PLSCR1: variants seen among roughly 807,000 people sequenced by gnomAD.
PLSCR1 encodes phospholipid scramblase 1.
Under a neutral mutation model 37.8 loss-of-function variants are expected in PLSCR1, and 17 were observed. That is an observed-to-expected ratio of 0.45 (90% CI 0.31 to 0.68). The LOEUF is 0.68. Ranked by LOEUF, PLSCR1 falls within the 30% of genes least tolerant of loss-of-function variation. The pLI, the probability that PLSCR1 is intolerant of heterozygous loss-of-function variation, is 0.06. For missense variants in PLSCR1, 347 were observed against 380.9 expected, an observed-to-expected ratio of 0.91 and a Z score of 0.74; for synonymous variants, 116 against 125.9, an observed-to-expected ratio of 0.92 and a Z score of 0.53.
intron 5 of PLSCR1, among the ~76,000 whole-genome samples, 200 bp from the exon 6 acceptor site, chr3:146,522,253 A>G (rs181823274): frequency 9.1e-4 from 139 of 152,304 alleles, no homozygotes; most frequent in Non-Finnish European, 1.6e-3. Flanking sequence ...AGAGAAATTA[A>G]GTCCTTATGC....
intron 5 of PLSCR1, among the ~76,000 whole-genome samples, chr3:146,522,544 C>T (rs1428417986): frequency 6.6e-6 from 1 of 152,120 alleles, no homozygotes; most frequent in African/African-American, 2.4e-5. Flanking sequence ...CCCAGGGACA[C>T]AAAACACTGT....
intron 3 of PLSCR1, among the ~76,000 whole-genome samples, chr3:146,529,516 A>ATT (rs111660673): frequency 0.096 from 13,580 of 141,972 alleles, 806 homozygotes; most frequent in Middle Eastern, 0.19. Flanking sequence ...CTTTCTTTCC[A>ATT]TTTTTTTTTT....
chr3:146,536,785 G>T (rs934428087), intron 1 of PLSCR1: 1 of 460,042 alleles, frequency 2.2e-6, no homozygotes, highest in African/African-American at 1.9e-5. Flanking sequence ...GTCAGCTCAT[G>T]ATGGTGAACA....
chr3:146,535,248 AAC>A (rs140749399), intron 2 of PLSCR1, among the ~76,000 whole-genome samples: 8 of 151,374 alleles, frequency 5.3e-5, no homozygotes, highest in South Asian at 2.1e-4. Context: ...TATAACATAG[AAC>A]ACACACACAC....
At position 146,516,072 on chromosome 3, in the gene PLSCR1, G is replaced by A; in HGVS notation, c.930C>T (p.Ser310=). 2 of 1,607,608 alleles carry A rather than the reference G, an allele frequency of 1.2e-6. No homozygotes were observed. Among genetic ancestry groups the A allele is most frequent in the Non-Finnish European group, 1.7e-6 (2 of 1,175,958 alleles). The change falls in exon 9 of 9, where the codon AGC becomes AGT. Residue 310 remains serine (S), a synonymous_variant. Transcript: ENST00000342435. ...IDFMFFESTG[S]QEQKSGVW ...ACCACACTCCTGATTTTTGTTCCTGGCTGCCAGTGCTTTCAAAAAACATGA... is the reference window on the plus strand; with the variant it reads ...ACCACACTCCTGATTTTTGTTCCTGACTGCCAGTGCTTTCAAAAAACATGA...
chr3:146,515,504 T>TTAGCTTCTAGGAGAAGTTAAGTG lies in PLSCR1; in HGVS notation c.*518_*540dup, dbSNP rs2043934520. 6.6e-6 allele frequency: 1 copy of TTAGCTTCTAGGAGAAGTTAAGTG among 151,906 alleles called. No homozygotes were observed. The allele number at this position is 151,906 out of a possible 1,614,324, so 9.4% of individuals were successfully genotyped here. A position where few individuals can be genotyped will look rare whatever the true frequency, so the allele number is the denominator to read the frequency against. On this transcript the variant is annotated 3_prime_UTR_variant, in exon 9 of 9. Transcript: ENST00000342435. ...GAATATGAAAATATTATGGTATAGA[T>TTAGCTTCTAGGAGAAGTTAAGTG]TAGCTTCTAGGAGAAGTTAAGTGTA...
intron 2 of PLSCR1, among the ~76,000 whole-genome samples, chr3:146,535,522 A>G (rs1190172078): frequency 6.6e-6 from 1 of 152,210 alleles, no homozygotes; most frequent in Non-Finnish European, 1.5e-5. Flanking sequence ...TTATGTCTAC[A>G]TGTATGTATA....
At chr3:146,520,000 C>A (rs1452470061) in intron 7 of PLSCR1, among the ~76,000 whole-genome samples, 1 of 152,022 alleles carries the variant, frequency 6.6e-6, no homozygotes, top group African/African-American at 2.4e-5. Context: ...GCTTTTATCT[C>A]TTTTATTACT....
At chr3:146,542,432 T>C (rs908812877) in intron 1 of PLSCR1, among the ~76,000 whole-genome samples, 4 of 152,240 alleles carry the variant, frequency 2.6e-5, no homozygotes, top group African/African-American at 7.2e-5. Context: ...GTAAATTCTA[T>C]GACGTTCTCA....
At chr3:146,539,222 C>T (rs1391226658) in intron 1 of PLSCR1, among the ~76,000 whole-genome samples, 2 of 152,156 alleles carry the variant, frequency 1.3e-5, no homozygotes, top group Admixed American at 1.3e-4. Flanking sequence ...ATAAGGAGTG[C>T]GCAACCTAGA....
chr3:146,543,284 T>C (rs1246321120), intron 1 of PLSCR1, among the ~76,000 whole-genome samples: 1 of 152,218 alleles, frequency 6.6e-6, no homozygotes, highest in Non-Finnish European at 1.5e-5. Flanking sequence ...CTAAGCTCCT[T>C]TACAGATCTA....
chr3:146,520,926 G>A (rs947364328), intron 7 of PLSCR1, among the ~76,000 whole-genome samples: 1 of 152,026 alleles, frequency 6.6e-6, no homozygotes, highest in Non-Finnish European at 1.5e-5. Flanking sequence ...TGTAAAAGTA[G>A]ACCATCTGTT....
At chr3:146,537,592 G>C (rs754623743) in intron 1 of PLSCR1, among the ~76,000 whole-genome samples, 32 of 152,224 alleles carry the variant, frequency 2.1e-4, no homozygotes, top group Admixed American at 1.3e-3. Context: ...ATTATTTTTT[G>C]GCCAGGGATG....
chr3:146,521,720 T>C lies in PLSCR1; in HGVS notation c.577-15A>G, dbSNP rs941576169. The C allele has an allele frequency of 5.6e-6, 9 of 1,603,696 alleles. No homozygotes were observed. Among genetic ancestry groups the C allele is most frequent in the African/African-American group, 1.3e-5 (1 of 74,526 alleles). On this transcript the variant is annotated splice_polypyrimidine_tract_variant and intron_variant, in intron 6 of 8. Transcript: ENST00000342435. ...TGGATTTCTATCTACAAAGGCAAAA[T>C]AATATATGTAAATGTAATAATCATA...
intron 7 of PLSCR1, among the ~76,000 whole-genome samples, chr3:146,518,254 T>C (rs1302366634): frequency 6.6e-6 from 1 of 152,178 alleles, no homozygotes; most frequent in Non-Finnish European, 1.5e-5. Flanking sequence ...CTTATGATCT[T>C]CAGTGACAAG....
At chr3:146,523,646 G>T (rs974031596) in intron 5 of PLSCR1, among the ~76,000 whole-genome samples, 1 of 152,194 alleles carries the variant, frequency 6.6e-6, no homozygotes, top group Non-Finnish European at 1.5e-5. Flanking sequence ...TTAGACAAAC[G>T]TGTTCGGCAA....
chr3:146,541,076 A>T (rs2044332099), intron 1 of PLSCR1: 1 of 152,162 alleles, frequency 6.6e-6, no homozygotes, highest in South Asian at 2.1e-4. Flanking sequence ...AGCACATCAT[A>T]CTTGTAAGAT....
chr3:146,522,202 C>T (rs1166595299), intron 5 of PLSCR1, 149 bp from the exon 6 acceptor site: 3 of 630,756 alleles, frequency 4.8e-6, no homozygotes, highest in Non-Finnish European at 5.6e-6. Context: ...ATGATCCAGA[C>T]AGAGAAAAAT....
chr3:146,516,851 G>A, intron 8 of PLSCR1, 155 bp downstream of exon 8: 1 of 567,374 alleles, frequency 1.8e-6, no homozygotes, highest in Non-Finnish European at 3.0e-6. Flanking sequence ...AGAGTGTCAG[G>A]ATCAAATAGA....
Sources: allele counts gnomAD v4.1 joint callset (sites outside exome capture counted in the v4.1 genomes callset), GRCh38; gene constraint gnomAD v4.1.1; transcripts MANE v1.5; gene names NCBI Gene and HGNC (gene_info 2026-07-23, HGNC 2026-07-21).